Variants in AATK observed in about 807,000 individuals in gnomAD.
AATK encodes the protein serine/threonine-protein kinase LMTK1.
Under a neutral mutation model 114.3 loss-of-function variants are expected in AATK, and 91 were observed. The observed-to-expected ratio is 0.80, with a 90% CI of 0.67 to 0.95. The LOEUF is 0.95. Among genes scored for constraint, AATK ranks in the 40% least tolerant of loss-of-function variants. The pLI, the probability that AATK is intolerant of heterozygous loss-of-function variation, is 0.00. For synonymous variants in AATK, 1,075 were observed against 916.5 expected (o/e 1.17, Z -3.12); for missense variants, 2,176 against 1,965.2 (o/e 1.11, Z -2.03).
At position 81,122,301 on chromosome 17, in the gene AATK, A is replaced by C. The variant is rs758349445; in HGVS notation, c.1635T>G (p.Pro545=). The C allele has an allele frequency of 6.6e-7, 1 of 1,508,800 alleles. No individual in the cohort carries two copies. The highest frequency in any genetic ancestry group is 1.2e-5 in the South Asian group (1 of 81,642). 93.5% of individuals were successfully genotyped at this position (1,508,800 alleles called of 1,614,324 possible). A position where few individuals can be genotyped will look rare whatever the true frequency, so the allele number is the denominator to read the frequency against. The part of the protein sequence containing the change: ...EEAAPAAGHD[P]DCAGCAPSPP... ...GACTGGGGGCGCAGCCGGCGCAGTC[A>C]GGGTCGTGGCCGGCGGCGGGTGCGG... is the stretch of plus-strand genomic sequence containing the variant. The change falls in exon 11 of 14, where the codon CCT becomes CCG. Residue 545 remains proline (P), a synonymous_variant. Coordinates refer to ENST00000326724, the MANE Select transcript of AATK (RefSeq NM_001080395.3).
rs1158463584 is a variant in AATK, at chr17:81,122,291, C to A, written c.1645G>T (p.Gly549Cys). ...PAAGHDPDCA[G>C]CAPSPPATAD... ...GTGGCAGGTGGACTGGGGGCGCAGCCGGCGCAGTCAGGGTCGTGGCCGGCG... is the reference window on the plus strand; with the variant it reads ...GTGGCAGGTGGACTGGGGGCGCAGCAGGCGCAGTCAGGGTCGTGGCCGGCG... The change falls in exon 11 of 14, where the codon GGC becomes TGC. Residue 549 changes from glycine to cysteine, a missense_variant. Physicochemically the swap from Gly to Cys is radical, Grantham distance 159. Coordinates refer to ENST00000326724, the MANE Select transcript of AATK (RefSeq NM_001080395.3). The A allele has an allele frequency of 6.7e-7, 1 of 1,502,958 alleles. No individual in the cohort carries two copies. The highest frequency in any genetic ancestry group is 8.8e-7 in the Non-Finnish European group (1 of 1,132,994). 93.1% of individuals were successfully genotyped at this position (1,502,958 alleles called of 1,614,324 possible). A position where few individuals can be genotyped will look rare whatever the true frequency, so the allele number is the denominator to read the frequency against.
Position 81,122,788 on chromosome 17 carries a change from T to G in AATK, c.1148A>C (p.Glu383Ala). The G allele has an allele frequency of 6.3e-7, 1 of 1,585,580 alleles. No individual in the cohort carries two copies. The highest frequency in any genetic ancestry group is 8.6e-7 in the Non-Finnish European group (1 of 1,167,080). The stretch of plus-strand genomic sequence containing the variant: ...CACCTCCTCGGCTGTGGGCCGCTGC[T>G]CGGGCTGCAGCCAGCAGAACTGCAT... Reference protein sequence around the residue: ...EVMQFCWLQPEQRPTAEEVHL... With the variant: ...EVMQFCWLQPAQRPTAEEVHL... Residue 383 changes from glutamate (E) to alanine (A), a missense_variant, in exon 11 of 14, where the codon GAG becomes GCG. By Grantham distance (107) the Glu-to-Ala change is moderately radical. Coordinates refer to ENST00000326724, the MANE Select transcript of AATK (RefSeq NM_001080395.3).
chr17:81,165,127 T>C (rs2061470634), intron 1 of AATK, among the ~76,000 whole-genome samples: 1 of 152,168 alleles, frequency 6.6e-6, no homozygotes, highest in Non-Finnish European at 1.5e-5. Flanking sequence ...AGGGGGATTA[T>C]CTCCCACTCA....
At chr17:81,132,089 C>T (rs922114519) in intron 2 of AATK, 2 of 1,191,346 alleles carry the variant, frequency 1.7e-6, no homozygotes, top group African/African-American at 3.2e-5. Flanking sequence ...AAGTCCAGGG[C>T]ACATTCCTGC....
intron 3 of AATK, among the ~76,000 whole-genome samples, chr17:81,130,329 C>CA (rs2060910071): frequency 6.6e-6 from 1 of 152,176 alleles, no homozygotes; most frequent in Admixed American, 6.5e-5. Flanking sequence ...GACCCGCACC[C>CA]ACCACCTAGG....
rs568554958 is a variant in AATK at position 81,143,829 on chromosome 17, T to C, written c.56-9328A>G. ...GCCCTGCCTGCCCGGGGCTCCAGGCTCTGCTCACCCGTCGGGTGTGCCTGG... is the reference window on the plus strand; with the variant it reads ...GCCCTGCCTGCCCGGGGCTCCAGGCCCTGCTCACCCGTCGGGTGTGCCTGG... On this transcript the variant is annotated intron_variant, in intron 1 of 13. Transcript: ENST00000326724. 2.0e-5 allele frequency among the ~76,000 whole-genome samples: 3 copies of C among 152,340 alleles called. No homozygotes were observed. The South Asian group carries it at 6.2e-4, about 32-fold the overall frequency.
rs766613950 is a variant in AATK at position 81,121,866 on chromosome 17, G to A, written c.2070C>T (p.Ser690=). Residue 690 remains serine, a synonymous_variant, in exon 11 of 14, where the codon AGC becomes AGT. Transcript: ENST00000326724. ...SNVSANNNSG[S]RCPESWDPVS... is the part of the protein sequence containing the mutation. ...CGGGGTCCCAGGACTCTGGACAGCG[G>A]CTGCCGCTGTTGTTGTTGGCTGACA... is the stretch of plus-strand genomic sequence containing the variant. 6.3e-7 allele frequency: 1 copy of A among 1,597,344 alleles called. No homozygotes were observed. The highest frequency in any genetic ancestry group is 8.5e-7 in the Non-Finnish European group (1 of 1,178,422).
intron 1 of AATK, among the ~76,000 whole-genome samples, chr17:81,148,203 T>C (rs977437712): frequency 6.6e-5 from 10 of 152,148 alleles, no homozygotes; most frequent in African/African-American, 2.4e-4. Flanking sequence ...AAGCATGCAC[T>C]GCATTTAGAA....
At chr17:81,145,307 G>T (rs1321858090) in intron 1 of AATK, among the ~76,000 whole-genome samples, 2 of 151,442 alleles carry the variant, frequency 1.3e-5, no homozygotes, top group African/African-American at 2.4e-5. Context: ...CAGATTAAAT[G>T]ATTCTAAGAT....
At chr17:81,141,117 C>T (rs948840708) in intron 1 of AATK, among the ~76,000 whole-genome samples, 16 of 152,158 alleles carry the variant, frequency 1.1e-4, no homozygotes, top group African/African-American at 3.9e-4. Context: ...GGTGGACTCT[C>T]CCCAGAGCCC....
At chr17:81,123,908 CAG>C (rs1276594954) in intron 9 of AATK, among the ~76,000 whole-genome samples, 1 of 152,140 alleles carries the variant, frequency 6.6e-6, no homozygotes, top group Non-Finnish European at 1.5e-5. Flanking sequence ...CAAGAGGCTG[CAG>C]AGTGAGACAG....
intron 1 of AATK, among the ~76,000 whole-genome samples, chr17:81,162,111 C>T (rs963873489): frequency 1.2e-4 from 19 of 152,126 alleles, no homozygotes; most frequent in African/African-American, 3.6e-4. Context: ...ACACCCTCCC[C>T]GAGTGCCCGC....
chr17:81,118,419 C>T lies in AATK; in HGVS notation c.4108G>A (p.Glu1370Lys), dbSNP rs1286660447. 5 of 1,608,652 alleles carry T rather than the reference C, an allele frequency of 3.1e-6. No homozygotes were observed. The African/African-American group carries it at 5.3e-5, about 17-fold the overall frequency. Residue 1370 changes from glutamate to lysine, a missense_variant, in exon 14 of 14, where the codon GAG becomes AAG. Transcript: ENST00000326724. Reference protein sequence around the residue: ...KRGPEAGAGGESKEA With the variant: ...KRGPEAGAGGKSKEA ...CCCAGGTCTCAAGCCTCTTTACTCT[C>T]ACCCCCGGCACCAGCTTCAGGTCCT...
intron 1 of AATK, among the ~76,000 whole-genome samples, chr17:81,156,299 TGGCC>T (rs1402052849): frequency 1.4e-5 from 2 of 147,400 alleles, no homozygotes; most frequent in African/African-American, 2.7e-5. Flanking sequence ...TATGTTACTA[TGGCC>T]TGTGTTATTG....
chr17:81,129,998 C>T (rs1433588286), intron 3 of AATK, among the ~76,000 whole-genome samples: 1 of 152,222 alleles, frequency 6.6e-6, no homozygotes, highest in Non-Finnish European at 1.5e-5. Flanking sequence ...TGGGGGCCCT[C>T]TCTAGGTCCC....
At chr17:81,151,963 C>A (rs2061304504) in intron 1 of AATK, among the ~76,000 whole-genome samples, 1 of 152,190 alleles carries the variant, frequency 6.6e-6, no homozygotes, top group South Asian at 2.1e-4. Flanking sequence ...ACAGGCAGTG[C>A]CACGCTTGCC....
At chr17:81,153,868 C>A (rs577055246) in intron 1 of AATK, among the ~76,000 whole-genome samples, 1 of 152,184 alleles carries the variant, frequency 6.6e-6, no homozygotes, top group East Asian at 1.9e-4. Flanking sequence ...GTCAGGAGTT[C>A]GAGACCATCC....
chr17:81,122,090 GC>G lies in AATK; in HGVS notation c.1845del (p.Leu617Ter). The G allele has an allele frequency of 6.3e-7, 1 of 1,575,840 alleles. No individual in the cohort carries two copies. Among genetic ancestry groups the G allele is most frequent in the Non-Finnish European group, 8.6e-7 (1 of 1,168,276 alleles). On this transcript the variant is annotated frameshift_variant, in exon 11 of 14. Coordinates refer to ENST00000326724, the MANE Select transcript of AATK (RefSeq NM_001080395.3). LOFTEE classifies it high-confidence loss of function. ...GCTCCTCCCTCCGCCAGACTCAGGG[GC>G]CCCGCCGAGGGCGAGGGAGAGCGTG... is the stretch of plus-strand genomic sequence containing the variant. ...CPSRSPSPSA[G>X]PLSLAEGGAE...
At position 81,134,394 on chromosome 17, in the gene AATK, AG is replaced by A; in HGVS notation, c.162del (p.Cys55ValfsTer74). The A allele has an allele frequency of 6.2e-7, 1 of 1,613,316 alleles. No homozygotes were observed. The highest frequency in any genetic ancestry group is 8.5e-7 in the Non-Finnish European group (1 of 1,179,804). Reference sequence around the variant, plus strand: ...TTGAACCCGATACCGCCCTTCTTACAGCACAGGCAGGCCAGCATGAGGACGA... The same window carrying A: ...TTGAACCCGATACCGCCCTTCTTACACACAGGCAGGCCAGCATGAGGACGA... The part of the protein sequence containing the change: ...AVIVLMLACL[C>X]CKKGGIGFKE... On this transcript the variant is annotated frameshift_variant, in exon 2 of 14. Coordinates refer to ENST00000326724, the MANE Select transcript of AATK (RefSeq NM_001080395.3). LOFTEE classifies it high-confidence loss of function.
Sources: allele counts gnomAD v4.1 joint callset (sites outside exome capture counted in the v4.1 genomes callset), GRCh38; gene constraint gnomAD v4.1.1; transcripts MANE v1.5; gene names NCBI Gene and HGNC (gene_info 2026-07-23, HGNC 2026-07-21).